Variants in DGKI observed in about 807,000 individuals in gnomAD.
The protein encoded by DGKI is DAG kinase iota.
DGKI carries 55 observed loss-of-function variants against 147.5 expected under a neutral mutation model. The observed-to-expected ratio is 0.37, with a 90% CI of 0.30 to 0.47. The LOEUF (loss-of-function observed/expected upper bound fraction) is 0.47, where lower values mean the gene tolerates loss of function less well. Among genes scored for constraint, DGKI ranks in the 20% least tolerant of loss-of-function variants. The pLI is 1.00. For missense variants in DGKI, 1,007 were observed against 1,323.8 expected (o/e 0.76, Z 3.71); for synonymous variants, 469 against 477.1 (o/e 0.98, Z 0.22).
chr7:137,453,050 G>T, intron 27 of DGKI: 1 of 152,264 alleles, frequency 6.6e-6, no homozygotes. Flanking sequence ...ACATTTCAAC[G>T]GTCTGCATCA....
intron 20 of DGKI, among the ~76,000 whole-genome samples, chr7:137,542,143 T>A (rs1032393939): frequency 2.0e-5 from 3 of 152,190 alleles, no homozygotes; most frequent in Admixed American, 1.3e-4. Flanking sequence ...GTGGAGCAAC[T>A]GGAATGATCA....
At chr7:137,524,180 T>C (rs1585197803) in intron 20 of DGKI, among the ~76,000 whole-genome samples, 1 of 151,956 alleles carries the variant, frequency 6.6e-6, no homozygotes, top group East Asian at 1.9e-4. Flanking sequence ...TCTTTATTCA[T>C]TTAGAGGGAA....
At chr7:137,543,513 T>A (rs1461243910) in intron 20 of DGKI, among the ~76,000 whole-genome samples, 1 of 152,042 alleles carries the variant, frequency 6.6e-6, no homozygotes, top group South Asian at 2.1e-4. Flanking sequence ...TGTACTCCAT[T>A]CCTGGAGAAA....
intron 6 of DGKI, among the ~76,000 whole-genome samples, chr7:137,633,946 G>A (rs140811061): frequency 5.4e-4 from 82 of 152,294 alleles, no homozygotes; most frequent in African/African-American, 1.5e-3. Flanking sequence ...TCACATTAAA[G>A]CAGATGAGCA....
chr7:137,526,496 T>G (rs182467351), intron 20 of DGKI, among the ~76,000 whole-genome samples: 38 of 151,834 alleles, frequency 2.5e-4, no homozygotes, highest in African/African-American at 8.7e-4. Flanking sequence ...CTGGACTTAA[T>G]TCCCAAATGT....
chr7:137,448,743 G>A (rs1325623399), intron 27 of DGKI, among the ~76,000 whole-genome samples: 1 of 140,950 alleles, frequency 7.1e-6, no homozygotes, highest in African/African-American at 2.6e-5. Flanking sequence ...GGGAGGGAGG[G>A]AAGGAAGGGA....
At chr7:137,735,995 T>C (rs1440430611) in intron 1 of DGKI, among the ~76,000 whole-genome samples, 2 of 152,066 alleles carry the variant, frequency 1.3e-5, no homozygotes, top group African/African-American at 4.8e-5. Flanking sequence ...AAAATGACAG[T>C]AGGACCATAA....
At chr7:137,624,642 T>C (rs1442254333) in intron 6 of DGKI, among the ~76,000 whole-genome samples, 1 of 152,072 alleles carries the variant, frequency 6.6e-6, no homozygotes, top group African/African-American at 2.4e-5. Flanking sequence ...TCTTGGTCTG[T>C]AGCCCAGGCT....
chr7:137,391,415 A>G, intron 32 of DGKI, 79 bp from the exon 33 acceptor site: 1 of 949,778 alleles, frequency 1.1e-6, no homozygotes, highest in South Asian at 1.7e-5. Flanking sequence ...AAAAACAAAA[A>G]ACAAAACAAA....
intron 1 of DGKI, among the ~76,000 whole-genome samples, chr7:137,724,186 G>A (rs1794653956): frequency 6.6e-6 from 1 of 152,148 alleles, no homozygotes. Context: ...GCCAGAAAGT[G>A]GGTGAGGTTG....
At chr7:137,564,919 G>A (rs1818533241) in intron 19 of DGKI, among the ~76,000 whole-genome samples, 1 of 152,216 alleles carries the variant, frequency 6.6e-6, no homozygotes, top group Non-Finnish European at 1.5e-5. Flanking sequence ...CGCCACAGTC[G>A]CGGCCGGCCC....
At chr7:137,545,703 T>G (rs2128963175) in intron 20 of DGKI, among the ~76,000 whole-genome samples, 1 of 152,284 alleles carries the variant, frequency 6.6e-6, no homozygotes, top group South Asian at 2.1e-4. Context: ...AACTGTTAAC[T>G]TAGAGGATGG....
At chr7:137,642,968 G>GTGTGTGTGTA (rs1821689026) in intron 6 of DGKI, among the ~76,000 whole-genome samples, 3 of 151,098 alleles carry the variant, frequency 2.0e-5, no homozygotes, top group African/African-American at 7.3e-5. Context: ...GTGTGTGTGT[G>GTGTGTGTGTA]TGTATGGGGG....
chr7:137,439,383 G>A (rs1442572253), intron 28 of DGKI, among the ~76,000 whole-genome samples: 1 of 152,148 alleles, frequency 6.6e-6, no homozygotes. Context: ...GTTCCATATG[G>A]CTGGGGAGGC....
At chr7:137,537,872 T>G (rs1585209717) in intron 20 of DGKI, among the ~76,000 whole-genome samples, 1 of 152,196 alleles carries the variant, frequency 6.6e-6, no homozygotes, top group East Asian at 1.9e-4. Context: ...TCATTTTTGT[T>G]ACTTCCTTAA....
rs1205655916 is a variant in DGKI at position 137,689,935 on chromosome 7, T to C, written c.469A>G (p.Asn157Asp). The change falls in exon 2 of 33, where the codon AAT (asparagine) becomes GAT (aspartate). Residue 157 changes from asparagine (N) to aspartate (D), a missense_variant. Physicochemically the swap from Asn to Asp is conservative, Grantham distance 23. This residue lies in a region of DGKI where 259 missense variants were observed against 362.5 expected (regional missense o/e 0.71). Coordinates refer to ENST00000614521, the MANE Select transcript of DGKI (RefSeq NM_001321708.2). ...PAHPLSLPVA[N>D]GPAKEPRATL... ...GCTCTGGGCTCCTTGGCTGGACCAT[T>C]TGCCACAGGAAGGCTGAGGGGATGT... 3.1e-6 allele frequency: 5 copies of C among 1,607,842 alleles called. No homozygotes were observed. Among genetic ancestry groups the C allele is most frequent in the East Asian group, 2.3e-5 (1 of 44,322 alleles).
intron 1 of DGKI, chr7:137,775,092 C>G (rs142818539): frequency 3.2e-4 from 49 of 151,904 alleles, no homozygotes; most frequent in African/African-American, 1.2e-3. Flanking sequence ...CTCAGACTCA[C>G]AGGCAGAAGT....
intron 1 of DGKI, among the ~76,000 whole-genome samples, chr7:137,750,269 A>G (rs1795457571): frequency 6.6e-6 from 1 of 152,168 alleles, no homozygotes; most frequent in Non-Finnish European, 1.5e-5. Context: ...GGTAGTGCTG[A>G]GGCCTAGATG....
intron 25 of DGKI, 101 bp from the exon 26 acceptor site, chr7:137,466,136 G>T: frequency 1.4e-6 from 2 of 1,403,794 alleles, no homozygotes; most frequent in Non-Finnish European, 2.0e-6. Context: ...GGATCACACT[G>T]TGTTGTCAGA....
Sources: gnomAD v4.1 joint callset for allele counts (sites outside exome capture counted in the v4.1 genomes callset) on GRCh38, gnomAD v4.1.1 for gene constraint, gnomAD v4.1.1 regional missense constraint, MANE v1.5 for transcripts, NCBI Gene and HGNC (gene_info 2026-07-23, HGNC 2026-07-21) for gene names.